LRRTM4: variants seen among roughly 807,000 people sequenced by gnomAD.
LRRTM4 encodes leucine-rich repeat transmembrane neuronal protein 4.
In LRRTM4, 25 loss-of-function variants were observed where a neutral mutation model predicts 47.6. The observed-to-expected ratio is 0.53, with a 90% CI of 0.38 to 0.73. The LOEUF (loss-of-function observed/expected upper bound fraction) is 0.73. Among genes scored for constraint, LRRTM4 ranks in the 30% least tolerant of loss-of-function variants. LRRTM4 has a pLI of 0.00. For missense variants in LRRTM4, 638 were observed against 713.4 expected, an observed-to-expected ratio of 0.89 and a Z score of 1.20; for synonymous variants, 311 against 269.5, an observed-to-expected ratio of 1.15 and a Z score of -1.51.
At chr2:76,962,452 T>C (rs1342364558) in intron 3 of LRRTM4, among the ~76,000 whole-genome samples, 2 of 150,774 alleles carry the variant, frequency 1.3e-5, no homozygotes, top group African/African-American at 4.8e-5. Flanking sequence ...GAACCAGAGA[T>C]GGAGAAGAGA....
intron 3 of LRRTM4, among the ~76,000 whole-genome samples, chr2:77,279,855 G>T (rs565100445): frequency 6.6e-6 from 1 of 152,012 alleles, no homozygotes; most frequent in African/African-American, 2.4e-5. Context: ...TACTGAGCTT[G>T]TGCAAGTGGT....
intron 3 of LRRTM4, among the ~76,000 whole-genome samples, chr2:77,354,540 C>T (rs1205528689): frequency 6.6e-6 from 1 of 152,026 alleles, no homozygotes; most frequent in Non-Finnish European, 1.5e-5. Context: ...ACCTTGAAAC[C>T]AGTCATCATG....
chr2:76,875,916 T>C (rs184060270), intron 3 of LRRTM4, among the ~76,000 whole-genome samples: 25 of 152,216 alleles, frequency 1.6e-4, no homozygotes, highest in Non-Finnish European at 2.5e-4. Flanking sequence ...GTGTCTTCCA[T>C]AGAGAAGCAC....
At chr2:76,837,373 AT>A (rs1671545436) in intron 3 of LRRTM4, among the ~76,000 whole-genome samples, 1 of 151,308 alleles carries the variant, frequency 6.6e-6, no homozygotes, top group African/African-American at 2.4e-5. Flanking sequence ...TTTTGTCTCT[AT>A]TTCCTTCAGT....
At chr2:77,346,658 C>CA (rs1380192973) in intron 3 of LRRTM4, among the ~76,000 whole-genome samples, 1 of 151,870 alleles carries the variant, frequency 6.6e-6, no homozygotes, top group Non-Finnish European at 1.5e-5. Flanking sequence ...TGGATATAGA[C>CA]AAAAATGTAG....
chr2:76,929,149 T>A (rs542043602), intron 3 of LRRTM4, among the ~76,000 whole-genome samples: 2 of 152,188 alleles, frequency 1.3e-5, no homozygotes, highest in African/African-American at 4.8e-5. Context: ...GGAGGAGCTC[T>A]GGAGCGCTTC....
intron 3 of LRRTM4, among the ~76,000 whole-genome samples, chr2:77,082,909 C>T (rs933159191): frequency 6.6e-6 from 1 of 151,998 alleles, no homozygotes; most frequent in Non-Finnish European, 1.5e-5. Flanking sequence ...TTTAGAAGAA[C>T]GACTTGTTGT....
intron 3 of LRRTM4, among the ~76,000 whole-genome samples, chr2:77,477,959 G>GAAAGAA (rs1401565598): frequency 2.0e-4 from 23 of 115,668 alleles, no homozygotes; most frequent in African/African-American, 7.0e-4. Context: ...AAGAAAGAAA[G>GAAAGAA]AAAGAAAGAA....
rs535377379 is a variant in LRRTM4 at position 77,041,160 on chromosome 2, G to A, written c.1552-292244C>T. On this transcript the variant is annotated intron_variant, in intron 3 of 3. Coordinates refer to ENST00000409884, the MANE Select transcript of LRRTM4 (RefSeq NM_001134745.3). The stretch of plus-strand genomic sequence containing the variant: ...TCAACTTTAGATTCCACCTATGAGT[G>A]AGATCAAACACTATTTGTCATTCTG... Among the ~76,000 whole-genome samples, 12 of 151,528 alleles carry A rather than the reference G, an allele frequency of 7.9e-5. 1 individual carries two copies. The South Asian group carries it at 2.5e-3, about 32-fold the overall frequency.
At chr2:76,835,732 T>A (rs1477556778) in intron 3 of LRRTM4, among the ~76,000 whole-genome samples, 1 of 152,056 alleles carries the variant, frequency 6.6e-6, no homozygotes, top group South Asian at 2.1e-4. Context: ...CATCCACCTG[T>A]CACGGTAAGG....
At chr2:77,107,004 C>T (rs1671110510) in intron 3 of LRRTM4, among the ~76,000 whole-genome samples, 1 of 151,862 alleles carries the variant, frequency 6.6e-6, no homozygotes, top group Non-Finnish European at 1.5e-5. Flanking sequence ...GAAATATAAG[C>T]CACATAATGT....
intron 3 of LRRTM4, among the ~76,000 whole-genome samples, chr2:77,261,298 C>T (rs1216523862): frequency 6.6e-6 from 1 of 152,108 alleles, no homozygotes; most frequent in Non-Finnish European, 1.5e-5. Context: ...TTTCCCAGTC[C>T]TCTCACAGCT....
intron 3 of LRRTM4, among the ~76,000 whole-genome samples, chr2:77,106,473 T>A (rs1223189102): frequency 6.6e-6 from 1 of 152,158 alleles, no homozygotes; most frequent in Non-Finnish European, 1.5e-5. Context: ...GCACTTACTT[T>A]TTATCCTGTT....
Position 76,857,423 on chromosome 2 carries a change from CTGAT to C in LRRTM4, c.1552-108511_1552-108508del, listed in dbSNP as rs1672186844. ...GAAGATACAAATGTGTGTTATTTGA[CTGAT>C]TATGTTATCAGTAAGGCTTTGGTCA... On this transcript the variant is annotated intron_variant, in intron 3 of 3. Coordinates refer to ENST00000409884, the MANE Select transcript of LRRTM4 (RefSeq NM_001134745.3). Among the ~76,000 whole-genome samples the C allele has an allele frequency of 2.6e-5, 4 of 151,050 alleles. No homozygotes were observed. The South Asian group carries it at 8.3e-4, about 31-fold the overall frequency.
chr2:77,127,087 T>C (rs1016959320), intron 3 of LRRTM4, among the ~76,000 whole-genome samples: 1 of 152,202 alleles, frequency 6.6e-6, no homozygotes, highest in African/African-American at 2.4e-5. Context: ...AAAACACTTA[T>C]GTGATATGTC....
chr2:77,300,310 T>C (rs1329155742), intron 3 of LRRTM4, among the ~76,000 whole-genome samples: 2 of 152,190 alleles, frequency 1.3e-5, no homozygotes, highest in Non-Finnish European at 2.9e-5. Flanking sequence ...ACATTTGTAC[T>C]AATCTTTAAT....
intron 3 of LRRTM4, among the ~76,000 whole-genome samples, chr2:77,327,563 G>A (rs1384677167): frequency 1.3e-5 from 2 of 152,182 alleles, no homozygotes; most frequent in African/African-American, 4.8e-5. Flanking sequence ...AAGGTTATAT[G>A]TTGTACAGGT....
At chr2:77,142,771 A>G (rs895198497) in intron 3 of LRRTM4, among the ~76,000 whole-genome samples, 3 of 152,188 alleles carry the variant, frequency 2.0e-5, no homozygotes, top group Non-Finnish European at 2.9e-5. Context: ...TGTCAAATAT[A>G]TTCTCCAATC....
chr2:76,933,348 C>CA (rs747137763), intron 3 of LRRTM4, among the ~76,000 whole-genome samples: 1 of 151,986 alleles, frequency 6.6e-6, no homozygotes, highest in Non-Finnish European at 1.5e-5. Flanking sequence ...TTTCTCTGTG[C>CA]AAAAATAGGC....
Sources: gnomAD v4.1 joint callset for allele counts (sites outside exome capture counted in the v4.1 genomes callset) on GRCh38, gnomAD v4.1.1 for gene constraint, MANE v1.5 for transcripts, NCBI Gene and HGNC (gene_info 2026-07-23, HGNC 2026-07-21) for gene names.